The following CNBD1 variants were observed in gnomAD, a reference collection of about 807,000 sequenced individuals.
The protein encoded by CNBD1 is cyclic nucleotide binding domain containing 1.
CNBD1 carries 71 observed loss-of-function variants against 54.4 expected under a neutral mutation model. That is an observed-to-expected ratio of 1.30 (90% CI 1.08 to 1.59). The LOEUF (loss-of-function observed/expected upper bound fraction) is 1.59, where lower values mean the gene tolerates loss of function less well. Ranked by LOEUF, CNBD1 falls within the 40% of genes most tolerant of loss-of-function variation. The probability of loss-of-function intolerance (pLI) is 0.00; values close to 1 mark genes in which losing one functional copy is unlikely to be tolerated. For synonymous variants in CNBD1, 182 were observed against 170.7 expected, an observed-to-expected ratio of 1.07 and a Z score of -0.51; for missense variants, 659 against 518.0, an observed-to-expected ratio of 1.27 and a Z score of -2.64.
chr8:87,026,454 A>G (rs946601577), intron 4 of CNBD1, among the ~76,000 whole-genome samples: 1 of 152,006 alleles, frequency 6.6e-6, no homozygotes, highest in African/African-American at 2.4e-5. Flanking sequence ...GAAAAATGTG[A>G]TATTTCTATT....
chr8:87,345,871 G>T (rs527452214), intron 8 of CNBD1, among the ~76,000 whole-genome samples: 3 of 151,506 alleles, frequency 2.0e-5, no homozygotes, highest in African/African-American at 4.8e-5. Flanking sequence ...AGAAGTTAAG[G>T]AGTATTTCTA....
At chr8:87,318,811 G>A (rs1275690499) in intron 8 of CNBD1, among the ~76,000 whole-genome samples, 1 of 152,028 alleles carries the variant, frequency 6.6e-6, no homozygotes, top group Non-Finnish European at 1.5e-5. Context: ...AGATTTCAGA[G>A]ACAGGAAGGA....
intron 4 of CNBD1, among the ~76,000 whole-genome samples, chr8:87,204,917 A>C (rs779275671): frequency 2.6e-5 from 4 of 152,164 alleles, no homozygotes. Context: ...AAGTTTTCTC[A>C]AAACTATTTC....
chr8:86,954,134 T>C (rs1316018878), intron 4 of CNBD1, among the ~76,000 whole-genome samples: 1 of 152,216 alleles, frequency 6.6e-6, no homozygotes. Flanking sequence ...CCTTCTTTTG[T>C]CAGTATTTTA....
At chr8:87,138,822 G>T (rs1234714891) in intron 4 of CNBD1, among the ~76,000 whole-genome samples, 1 of 152,040 alleles carries the variant, frequency 6.6e-6, no homozygotes, top group African/African-American at 2.4e-5. Flanking sequence ...ATTGATCCTG[G>T]GCAATAAAGG....
intron 4 of CNBD1, among the ~76,000 whole-genome samples, chr8:86,961,897 G>A (rs532958507): frequency 3.3e-5 from 5 of 152,202 alleles, no homozygotes; most frequent in Non-Finnish European, 7.3e-5. Context: ...TACACAGACT[G>A]AAGGAGATTC....
intron 2 of CNBD1, among the ~76,000 whole-genome samples, chr8:87,415,054 G>T (rs1244879398): frequency 6.6e-6 from 1 of 152,052 alleles, no homozygotes; most frequent in Non-Finnish European, 1.5e-5. Context: ...TCTGCAGATG[G>T]CAAGAAATGT....
chr8:87,108,406 T>C (rs1811587231), intron 4 of CNBD1, among the ~76,000 whole-genome samples: 1 of 152,174 alleles, frequency 6.6e-6, no homozygotes, highest in African/African-American at 2.4e-5. Context: ...CTCAGGCAGG[T>C]ATATAACAGA....
chr8:87,321,438 A>G (rs1231835935), intron 8 of CNBD1, among the ~76,000 whole-genome samples: 1 of 152,202 alleles, frequency 6.6e-6, no homozygotes, highest in Non-Finnish European at 1.5e-5. Context: ...GTGTTTGTGT[A>G]ATAATTAGTG....
chr8:87,111,990 T>A (rs1396431116), intron 4 of CNBD1, among the ~76,000 whole-genome samples: 1 of 152,202 alleles, frequency 6.6e-6, no homozygotes, highest in East Asian at 1.9e-4. Flanking sequence ...AAAATGTTGG[T>A]ACCTCCGTCA....
chr8:87,330,664 C>A (rs921673032), intron 8 of CNBD1, among the ~76,000 whole-genome samples: 3 of 152,012 alleles, frequency 2.0e-5, no homozygotes, highest in Non-Finnish European at 2.9e-5. Flanking sequence ...TGTATGATTT[C>A]TTTTCTTTCA....
intron 10 of CNBD1, among the ~76,000 whole-genome samples, chr8:87,371,748 C>A (rs1363950428): frequency 6.6e-6 from 1 of 151,972 alleles, no homozygotes; most frequent in Non-Finnish European, 1.5e-5. Context: ...ACATGATTAT[C>A]TCAATAGATG....
intron 6 of CNBD1, among the ~76,000 whole-genome samples, chr8:87,259,723 G>C (rs1398280385): frequency 6.6e-6 from 1 of 152,106 alleles, no homozygotes; most frequent in Admixed American, 6.6e-5. Flanking sequence ...TATTGGCTTT[G>C]GGGTGGGGTC....
At chr8:86,903,703 A>G (rs2131806924) in intron 2 of CNBD1, among the ~76,000 whole-genome samples, 1 of 152,212 alleles carries the variant, frequency 6.6e-6, no homozygotes, top group East Asian at 1.9e-4. Flanking sequence ...AGAAGGGTCA[A>G]TAAAGTATCT....
At chr8:87,154,545 ACT>A (rs1340248995) in intron 4 of CNBD1, among the ~76,000 whole-genome samples, 1 of 152,140 alleles carries the variant, frequency 6.6e-6, no homozygotes, top group Non-Finnish European at 1.5e-5. Context: ...ATCTGGAGAC[ACT>A]CTGTGTACTT....
At chr8:87,309,404 C>A (rs918297156) in intron 8 of CNBD1, among the ~76,000 whole-genome samples, 1 of 152,042 alleles carries the variant, frequency 6.6e-6, no homozygotes, top group Non-Finnish European at 1.5e-5. Context: ...GTCTTTTATT[C>A]GGGTCAACAT....
chr8:86,906,247 A>G (rs2131809522), intron 3 of CNBD1, among the ~76,000 whole-genome samples: 1 of 152,368 alleles, frequency 6.6e-6, no homozygotes. Flanking sequence ...GGAAGATATC[A>G]GCATGAGAGA....
intron 4 of CNBD1, among the ~76,000 whole-genome samples, chr8:87,192,904 C>A (rs1813642814): frequency 6.6e-6 from 1 of 152,144 alleles, no homozygotes; most frequent in Non-Finnish European, 1.5e-5. Flanking sequence ...TATTTGAATA[C>A]AACTGCCCTT....
chr8:87,333,726 C>A (rs1405809903), intron 8 of CNBD1, among the ~76,000 whole-genome samples: 1 of 152,168 alleles, frequency 6.6e-6, no homozygotes, highest in Non-Finnish European at 1.5e-5. Context: ...CCGACTTGAT[C>A]ATGGTGGATA....
Sources: allele counts gnomAD v4.1 joint callset (sites outside exome capture counted in the v4.1 genomes callset), GRCh38; gene constraint gnomAD v4.1.1; transcripts MANE v1.5; gene names NCBI Gene and HGNC (gene_info 2026-07-23, HGNC 2026-07-21).